Variants in CCSER1 observed in about 807,000 individuals in gnomAD.
CCSER1 encodes the protein serine-rich coiled-coil domain-containing protein 1.
A neutral mutation model predicts 82.0 loss-of-function variants in CCSER1; 41 were observed. That is an observed-to-expected ratio of 0.50 (90% CI 0.39 to 0.65). CCSER1 has a LOEUF of 0.65. CCSER1 is among the 30% of genes least tolerant of loss of function. CCSER1 has a pLI of 0.00. For synonymous variants in CCSER1, 414 were observed against 383.9 expected (o/e 1.08, Z -0.92); for missense variants, 1,119 against 1,064.2 (o/e 1.05, Z -0.72).
At chr4:90,965,575 A>G (rs1734485531) in intron 9 of CCSER1, among the ~76,000 whole-genome samples, 1 of 152,164 alleles carries the variant, frequency 6.6e-6, no homozygotes, top group Non-Finnish European at 1.5e-5. Flanking sequence ...GTTGATCACT[A>G]TTGTAATCCA....
At chr4:90,427,730 G>A (rs138825991) in intron 4 of CCSER1, among the ~76,000 whole-genome samples, 572 of 151,372 alleles carry the variant, frequency 3.8e-3, no homozygotes, top group Middle Eastern at 0.014. Flanking sequence ...AAAATTCCAC[G>A]TGTATTTTAA....
chr4:90,278,297 T>A (rs1444870077), intron 1 of CCSER1, among the ~76,000 whole-genome samples: 3 of 152,114 alleles, frequency 2.0e-5, no homozygotes, highest in Non-Finnish European at 1.5e-5. Flanking sequence ...AGTGTTGAAC[T>A]ACCATTCAAC....
At chr4:90,413,981 A>AAAAAATATATATATATATATATATATAT (rs1560481885) in intron 4 of CCSER1, among the ~76,000 whole-genome samples, 1 of 52,452 alleles carries the variant, frequency 1.9e-5, no homozygotes, top group Non-Finnish European at 3.0e-5. Context: ...AAAAAAAAAA[A>AAAAAATATATATATATATATATATATAT]ATATATATAT....
At chr4:90,952,656 C>T (rs1733034649) in intron 9 of CCSER1, among the ~76,000 whole-genome samples, 2 of 152,066 alleles carry the variant, frequency 1.3e-5, no homozygotes, top group Non-Finnish European at 2.9e-5. Flanking sequence ...CACTTGATTT[C>T]CTACAACTGG....
At chr4:90,209,333 A>G (rs978723959) in intron 1 of CCSER1, among the ~76,000 whole-genome samples, 1 of 152,138 alleles carries the variant, frequency 6.6e-6, no homozygotes, top group African/African-American at 2.4e-5. Flanking sequence ...TCTGTGTACT[A>G]CTATCATTGG....
At chr4:90,887,038 G>A (rs956305962) in intron 8 of CCSER1, among the ~76,000 whole-genome samples, 2 of 152,102 alleles carry the variant, frequency 1.3e-5, no homozygotes, top group Non-Finnish European at 2.9e-5. Flanking sequence ...TACACACACA[G>A]ATATAAACCT....
intron 8 of CCSER1, among the ~76,000 whole-genome samples, chr4:90,890,511 G>A (rs1313593031): frequency 1.3e-5 from 2 of 152,136 alleles, no homozygotes; most frequent in East Asian, 3.9e-4. Context: ...GGAAACTAAG[G>A]CCTACATTGC....
intron 10 of CCSER1, among the ~76,000 whole-genome samples, chr4:91,330,818 A>C (rs1746900063): frequency 5.3e-5 from 8 of 152,160 alleles, no homozygotes; most frequent in Admixed American, 5.2e-4. Flanking sequence ...TCACGGTTTA[A>C]GTTATCTGTG....
At chr4:90,996,922 C>T (rs1561456239) in intron 9 of CCSER1, among the ~76,000 whole-genome samples, 1 of 152,056 alleles carries the variant, frequency 6.6e-6, no homozygotes, top group African/African-American at 2.4e-5. Context: ...ATTTGGATTA[C>T]TTCTGGTTGT....
At chr4:91,414,921 C>A (rs1460183035) in intron 10 of CCSER1, among the ~76,000 whole-genome samples, 1 of 152,016 alleles carries the variant, frequency 6.6e-6, no homozygotes, top group Non-Finnish European at 1.5e-5. Flanking sequence ...AATTGACACA[C>A]CTATGTATAT....
At chr4:91,471,260 G>GAAC (rs1400505517) in intron 10 of CCSER1, among the ~76,000 whole-genome samples, 1 of 152,256 alleles carries the variant, frequency 6.6e-6, no homozygotes, top group South Asian at 2.1e-4. Flanking sequence ...TGAAGGATAA[G>GAAC]AACACTATGG....
intron 5 of CCSER1, among the ~76,000 whole-genome samples, chr4:90,529,762 G>A (rs961654305): frequency 6.6e-6 from 1 of 151,700 alleles, no homozygotes; most frequent in Admixed American, 6.6e-5. Context: ...TTACTTTTCA[G>A]CTCCTCTATT....
chr4:90,610,622 A>G (rs1785338784), intron 5 of CCSER1, among the ~76,000 whole-genome samples: 1 of 152,218 alleles, frequency 6.6e-6, no homozygotes, highest in South Asian at 2.1e-4. Flanking sequence ...ATTTGCTTTT[A>G]AAACTATGAG....
At chr4:90,271,858 ATATATTTTTTTTTTTTTTT>A (rs1180362004) in intron 1 of CCSER1, among the ~76,000 whole-genome samples, 40 of 24,382 alleles carry the variant, frequency 1.6e-3, no homozygotes, top group African/African-American at 0.016. Context: ...ATATATATAT[ATATATTTTTTTTTTTTTTT>A]TTTTTTTTTT....
intron 9 of CCSER1, among the ~76,000 whole-genome samples, chr4:91,064,361 A>C (rs2148746696): frequency 6.6e-6 from 1 of 152,352 alleles, no homozygotes; most frequent in South Asian, 2.1e-4. Context: ...TATTACAGTG[A>C]AAGGCTACAC....
chr4:91,517,810 A>T (rs549355960), intron 10 of CCSER1, among the ~76,000 whole-genome samples: 14 of 151,276 alleles, frequency 9.3e-5, no homozygotes, highest in African/African-American at 2.9e-4. Context: ...AATTGAGTAC[A>T]GTCAGTAAAC....
intron 10 of CCSER1, among the ~76,000 whole-genome samples, chr4:91,165,906 C>T (rs1349881216): frequency 6.6e-6 from 1 of 152,188 alleles, no homozygotes; most frequent in Non-Finnish European, 1.5e-5. Flanking sequence ...TGGTATCCTG[C>T]CCAGCTTTGG....
At chr4:90,436,181 C>T (rs1758971513) in intron 4 of CCSER1, among the ~76,000 whole-genome samples, 1 of 152,010 alleles carries the variant, frequency 6.6e-6, no homozygotes, top group African/African-American at 2.4e-5. Flanking sequence ...TGTGTTTTTA[C>T]TTAGGTATAC....
chr4:91,241,371 G>A lies in CCSER1; in HGVS notation c.2217+155377G>A, dbSNP rs991684156. Among the ~76,000 whole-genome samples, 178 of 144,876 alleles carry A rather than the reference G, an allele frequency of 1.2e-3. 1 individual carries two copies. The highest frequency in any genetic ancestry group is 4.6e-3 in the African/African-American group (171 of 37,190). On this transcript the variant is annotated intron_variant, in intron 10 of 10. Coordinates refer to ENST00000509176, the MANE Select transcript of CCSER1 (RefSeq NM_001145065.2). Reference sequence around the variant, plus strand: ...GACGGAGTCTTGCTCTGTCGCCCAGGCTGGAGTGCAGTGGCACGATCTTGG... The same window carrying A: ...GACGGAGTCTTGCTCTGTCGCCCAGACTGGAGTGCAGTGGCACGATCTTGG...
Sources: gnomAD v4.1 joint callset for allele counts (sites outside exome capture counted in the v4.1 genomes callset) on GRCh38, gnomAD v4.1.1 for gene constraint, MANE v1.5 for transcripts, NCBI Gene and HGNC (gene_info 2026-07-23, HGNC 2026-07-21) for gene names.